NCL: variants seen among roughly 807,000 people sequenced by gnomAD.
NCL encodes the protein nucleolin multifunctional protein.
Under a neutral mutation model 77.7 loss-of-function variants are expected in NCL, and 4 were observed. That is an observed-to-expected ratio of 0.05 (90% confidence interval 0.03 to 0.12). The LOEUF (loss-of-function observed/expected upper bound fraction) is 0.12, where lower values mean the gene tolerates loss of function less well. Ranked by LOEUF, NCL falls within the 10% of genes least tolerant of loss-of-function variation. The pLI is 1.00. For missense variants in NCL, 763 were observed against 860.9 expected, an observed-to-expected ratio of 0.89 and a Z score of 1.42; for synonymous variants, 344 against 297.8, an observed-to-expected ratio of 1.16 and a Z score of -1.60.
Position 231,460,694 on chromosome 2 carries a change from C to CATCTTCATCA in NCL, c.785_786insTGATGAAGAT (p.Glu262AspfsTer34). On this transcript the variant is annotated frameshift_variant, in exon 4 of 14. Coordinates refer to ENST00000322723, the MANE Select transcript of NCL (RefSeq NM_005381.3). LOFTEE classifies it high-confidence loss of function. ...CTTCCTCCTCCTCTTCTTCCTCCTC[C>CATCTTCATCA]TCATCATCTTCATCATCATCATCTT... 1.2e-6 allele frequency: 2 copies of CATCTTCATCA among 1,609,862 alleles called. No individual in the cohort carries two copies. Among genetic ancestry groups the CATCTTCATCA allele is most frequent in the Non-Finnish European group, 1.7e-6 (2 of 1,177,376 alleles).
At position 231,455,431 on chromosome 2, in the gene NCL, A is replaced by C; in HGVS notation, c.2026T>G (p.Phe676Val). ...AAGCCTCCCCGGCCTCTGCCACCAA[A>C]TCCTCCTCGGCCTCCTCTACCACCA... ...RGGGRGGRGG[F>V]GGRGRGGFGG... Residue 676 changes from phenylalanine (F) to valine (V), a missense_variant, in exon 13 of 14, where the codon TTT (phenylalanine) becomes GTT (valine). This residue lies in a region of NCL where 173 missense variants were observed against 290.4 expected (regional missense o/e 0.60). Coordinates refer to ENST00000322723, the MANE Select transcript of NCL (RefSeq NM_005381.3). The C allele has an allele frequency of 6.2e-7, 1 of 1,613,256 alleles. No homozygotes were observed. The highest frequency in any genetic ancestry group is 8.5e-7 in the Non-Finnish European group (1 of 1,179,788).
Position 231,457,803 on chromosome 2 carries a change from G to A in NCL, c.1290-3C>T, listed in dbSNP as rs766881049. 20 of 1,595,498 alleles carry A rather than the reference G, an allele frequency of 1.3e-5. No homozygotes were observed. The highest frequency in any genetic ancestry group is 2.2e-5 in the East Asian group (1 of 44,496). On this transcript the variant is annotated splice_polypyrimidine_tract_variant and splice_region_variant and intron_variant, in intron 8 of 13. Coordinates refer to ENST00000322723, the MANE Select transcript of NCL (RefSeq NM_005381.3). ...TCTTAAATTCAATATAAGCAATCCT[G>A]CAATGGAGGGAGAAGAACTCATGGT...
At chr2:231,461,500 T>C (rs995265686) in intron 3 of NCL, 40 bp downstream of exon 3, 1 of 1,596,362 alleles carries the variant, frequency 6.3e-7, no homozygotes, top group Non-Finnish European at 8.5e-7. Flanking sequence ...CAAGATACCT[T>C]GTAATCAGAA....
intron 7 of NCL, 173 bp downstream of exon 7, chr2:231,458,828 G>A (rs571765045): frequency 5.9e-6 from 4 of 677,688 alleles, no homozygotes; most frequent in Non-Finnish European, 6.6e-6. Flanking sequence ...GACAAGCAGT[G>A]CCAAGTACTC....
chr2:231,456,591 T>G (rs774642293), intron 11 of NCL, 40 bp downstream of exon 11: 1 of 1,609,670 alleles, frequency 6.2e-7, no homozygotes, highest in Non-Finnish European at 8.5e-7. Context: ...GCACCGAGAG[T>G]GCTACCCCCA....
At position 231,457,728 on chromosome 2, in the gene NCL, G is replaced by C. The variant is rs201820961; in HGVS notation, c.1362C>G (p.Ile454Met). 2 of 1,612,766 alleles carry C rather than the reference G, an allele frequency of 1.2e-6. No individual in the cohort carries two copies. The highest frequency in any genetic ancestry group is 1.1e-5 in the South Asian group (1 of 90,916). ...KTFEEKQGTEIDGRSISLYYT... is the reference protein window; with the variant it reads ...KTFEEKQGTEMDGRSISLYYT... ...AGTACAGGGAAATAGATCGCCCATC[G>C]ATCTCTGTTCCCTGCTTTTCTTCAA... The change falls in exon 9 of 14, where the codon ATC becomes ATG. Residue 454 changes from isoleucine to methionine, a missense_variant. Coordinates refer to ENST00000322723, the MANE Select transcript of NCL (RefSeq NM_005381.3).
Position 231,464,344 on chromosome 2 carries a change from G to A in NCL, c.10C>T (p.Leu4Phe). The change falls in exon 1 of 14, where the codon CTC (leucine) becomes TTC (phenylalanine). Residue 4 changes from leucine to phenylalanine, a missense_variant. Coordinates refer to ENST00000322723, the MANE Select transcript of NCL (RefSeq NM_005381.3). MVKLAKAGKNQGDP... is the reference protein window; with the variant it reads MVKFAKAGKNQGDP... ...CGCTCAAGGCCGTTTACCTTCGCGA[G>A]CTTCACCATGATGGCGGCGGAGTGT... is the stretch of plus-strand genomic sequence containing the variant. 1.2e-6 allele frequency: 2 copies of A among 1,600,726 alleles called. No homozygotes were observed. The highest frequency in any genetic ancestry group is 1.7e-6 in the Non-Finnish European group (2 of 1,173,530).
intron 3 of NCL, 29 bp from the exon 4 acceptor site, chr2:231,460,895 G>A: frequency 6.4e-7 from 1 of 1,563,038 alleles, no homozygotes; most frequent in Non-Finnish European, 8.8e-7. Flanking sequence ...AAAAATTGCA[G>A]CAATCTCCCA....
intron 10 of NCL, 38 bp downstream of exon 10, chr2:231,456,963 T>C (rs372334214): frequency 1.9e-6 from 3 of 1,608,846 alleles, no homozygotes; most frequent in African/African-American, 1.3e-5. Flanking sequence ...CTAAGACATA[T>C]ATAGCCTATA....
chr2:231,454,857 AAAAC>A lies in NCL; in HGVS notation c.*330_*333del, dbSNP rs1322566737. ...CAACCCCACGAACGCAAAAAAAAAA[AAAAC>A]AAAAACAAAACAAAAAAAAGAAACA... On this transcript the variant is annotated 3_prime_UTR_variant, in exon 14 of 14. Transcript: ENST00000322723. 3.6e-5 allele frequency: 7 copies of A among 195,652 alleles called. No individual in the cohort carries two copies. Among genetic ancestry groups the A allele is most frequent in the South Asian group, 1.5e-4 (1 of 6,866 alleles). The allele number at this position is 195,652 out of a possible 1,614,324, so 12.1% of individuals were successfully genotyped here.
Position 231,457,683 on chromosome 2 carries a change from T to C in NCL, c.1407A>G (p.Gln469=), listed in dbSNP as rs1476634023. 1.2e-6 allele frequency: 2 copies of C among 1,611,644 alleles called. No homozygotes were observed. Among genetic ancestry groups the C allele is most frequent in the Non-Finnish European group, 1.7e-6 (2 of 1,178,600 alleles). The change falls in exon 9 of 14, where the codon CAA becomes CAG. Residue 469 remains glutamine (Q), a synonymous_variant. Transcript: ENST00000322723. ...TCTTTCCACCTCTATAGTCTTGATT[T>C]TGACCTTTCTCTCCAGTATAGTACA... ...ISLYYTGEKG[Q]NQDYRGGKNS...
Position 231,454,875 on chromosome 2 carries a change from A to AAACAAAACAAT in NCL, c.*315_*316insATTGTTTTGTT, listed in dbSNP as rs1465468661. ...AAAAAAAAAAACAAAAACAAAACAA[A>AAACAAAACAAT]AAAAAGAAACAACAACAAAACCCAA... On this transcript the variant is annotated 3_prime_UTR_variant, in exon 14 of 14. Transcript: ENST00000322723. The AAACAAAACAAT allele has an allele frequency of 4.2e-6, 1 of 237,494 alleles. No homozygotes were observed. Among genetic ancestry groups the AAACAAAACAAT allele is most frequent in the African/African-American group, 2.2e-5 (1 of 44,542 alleles). 14.7% of individuals were successfully genotyped at this position (237,494 alleles called of 1,614,324 possible). A position where few individuals can be genotyped will look rare whatever the true frequency, so the allele number is the denominator to read the frequency against.
intron 2 of NCL, 87 bp downstream of exon 2, chr2:231,463,113 T>G: frequency 2.0e-6 from 2 of 983,230 alleles, no homozygotes; most frequent in Non-Finnish European, 3.1e-6. Flanking sequence ...AATAAAATCT[T>G]ATTTTTGCCA....
In NCL at chr2:231,461,856, T is replaced by C. The variant is rs754824597; in HGVS notation, c.297A>G (p.Thr99=). 6.2e-7 allele frequency: 1 copy of C among 1,614,072 alleles called. No homozygotes were observed. Among genetic ancestry groups the C allele is most frequent in the Non-Finnish European group, 8.5e-7 (1 of 1,180,050 alleles). ...AAATPAKKTV[T]PAKAVTTPGK... is the part of the protein sequence containing the mutation. ...CAGGTGTGGTAACTGCTTTGGCTGG[T>C]GTAACTGTCTTCTTGGCAGGTGTTG... Residue 99 remains threonine (T), a synonymous_variant, in exon 3 of 14, where the codon ACA becomes ACG. Transcript: ENST00000322723.
At chr2:231,463,580 C>T (rs2046972115) in intron 1 of NCL, 2 of 457,808 alleles carry the variant, frequency 4.4e-6, no homozygotes, top group Non-Finnish European at 7.7e-6. Context: ...TTTCTCCTCC[C>T]GTTACCTTAG....
Position 231,456,710 on chromosome 2 carries a change from G to A in NCL, c.1626C>T (p.Ser542=), listed in dbSNP as rs1157321909. ...TGCCCTCAATTTCCCTTTTATTACA[G>A]GAATTTAAAGCTTCTTTAGCGTCTT... The part of the protein sequence containing the change: ...SFEDAKEALN[S]CNKREIEGRA... The change falls in exon 11 of 14, where the codon TCC becomes TCT. Residue 542 remains serine, a synonymous_variant. Coordinates refer to ENST00000322723, the MANE Select transcript of NCL (RefSeq NM_005381.3). 6 of 1,613,904 alleles carry A rather than the reference G, an allele frequency of 3.7e-6. No individual in the cohort carries two copies. Among genetic ancestry groups the A allele is most frequent in the South Asian group, 3.3e-5 (3 of 91,070 alleles).
chr2:231,453,818 G>A lies in NCL; in HGVS notation c.*1373C>T, dbSNP rs979834525. On this transcript the variant is annotated 3_prime_UTR_variant, in exon 14 of 14. Coordinates refer to ENST00000322723, the MANE Select transcript of NCL (RefSeq NM_005381.3). ...ACCAGAGTAAACCCAAAGCAGCTACGTATTCTTCACGTTTCCTTCTAAGCT... is the reference window on the plus strand; with the variant it reads ...ACCAGAGTAAACCCAAAGCAGCTACATATTCTTCACGTTTCCTTCTAAGCT... 2.0e-5 allele frequency: 3 copies of A among 152,238 alleles called. No homozygotes were observed. Among genetic ancestry groups the A allele is most frequent in the East Asian group, 1.9e-4 (1 of 5,198 alleles). 9.4% of individuals were successfully genotyped at this position (152,238 alleles called of 1,614,324 possible).
chr2:231,455,007 G>A lies in NCL; in HGVS notation c.*184C>T. 1.6e-6 allele frequency: 1 copy of A among 607,452 alleles called. No individual in the cohort carries two copies. The highest frequency in any genetic ancestry group is 2.9e-6 in the Non-Finnish European group (1 of 346,914). 37.6% of individuals were successfully genotyped at this position (607,452 alleles called of 1,614,324 possible). On this transcript the variant is annotated 3_prime_UTR_variant, in exon 14 of 14. Transcript: ENST00000322723. ...ACTCAACTCTTTAAAAAGTTTATAT[G>A]AATATCCAGTCAAAACCAACACGGT...
In NCL at chr2:231,455,412, C is replaced by A. The variant is rs751299614; in HGVS notation, c.2045G>T (p.Gly682Val). Residue 682 changes from glycine to valine, a missense_variant, in exon 13 of 14, where the codon GGA (glycine) becomes GTA (valine). This residue lies in a region of NCL where 173 missense variants were observed against 290.4 expected (regional missense o/e 0.60). Coordinates refer to ENST00000322723, the MANE Select transcript of NCL (RefSeq NM_005381.3). Reference sequence around the variant, plus strand: ...TCTGCGTGCCTTACCTCCAAAGCCTCCCCGGCCTCTGCCACCAAATCCTCC... The same window carrying A: ...TCTGCGTGCCTTACCTCCAAAGCCTACCCGGCCTCTGCCACCAAATCCTCC... The part of the protein sequence containing the change: ...GRGGFGGRGR[G>V]GFGGRGGFRG... 5.0e-6 allele frequency: 8 copies of A among 1,613,960 alleles called. No homozygotes were observed. In the Admixed American group the frequency reaches 8.3e-5, roughly 17 times the overall value.
Sources: gnomAD v4.1 joint callset for allele counts on GRCh38, gnomAD v4.1.1 for gene constraint, gnomAD v4.1.1 regional missense constraint, MANE v1.5 for transcripts, NCBI Gene and HGNC (gene_info 2026-07-23, HGNC 2026-07-21) for gene names.